CPEB2: variants seen among roughly 807,000 people sequenced by gnomAD.
The protein encoded by CPEB2 is cytoplasmic polyadenylation element binding protein 2.
CPEB2 carries 56 observed loss-of-function variants against 93.6 expected under a neutral mutation model. The ratio of observed to expected loss-of-function variants is 0.60; its 90% CI spans 0.48 to 0.75. The LOEUF (loss-of-function observed/expected upper bound fraction) is 0.75. Among genes scored for constraint, CPEB2 ranks in the 30% least tolerant of loss-of-function variants. The pLI is 0.00. For synonymous variants in CPEB2, 764 were observed against 586.3 expected (o/e 1.30, Z -4.38); for missense variants, 1,579 against 1,395.1 (o/e 1.13, Z -2.10).
rs1722307741 is a variant in CPEB2, at chr4:15,003,591, G to A, written c.918G>A (p.Pro306=). The change falls in exon 1 of 12, where the codon CCG becomes CCA. Residue 306 remains proline (P), a synonymous_variant. Coordinates refer to ENST00000538197, the MANE Select transcript of CPEB2 (RefSeq NM_001177382.2). Reference sequence around the variant, plus strand: ...ATGCGGGCTTGGCCTCCTCGACGCCGGTGAACCCCGCGCCGGGCTCCATGG... The same window carrying A: ...ATGCGGGCTTGGCCTCCTCGACGCCAGTGAACCCCGCGCCGGGCTCCATGG... ...SPNAGLASST[P]VNPAPGSMES... The A allele has an allele frequency of 2.0e-6, 3 of 1,476,010 alleles. No individual in the cohort carries two copies. Among genetic ancestry groups the A allele is most frequent in the East Asian group, 3.0e-5 (1 of 33,440 alleles). The allele number at this position is 1,476,010 out of a possible 1,614,324, so 91.4% of individuals were successfully genotyped here. A position where few individuals can be genotyped will look rare whatever the true frequency, so the allele number is the denominator to read the frequency against.
intron 6 of CPEB2, among the ~76,000 whole-genome samples, chr4:15,049,208 C>T (rs1313327643): frequency 6.6e-6 from 1 of 150,956 alleles, no homozygotes; most frequent in Non-Finnish European, 1.5e-5. Context: ...ACTTTTGGGT[C>T]ACTTTTCTCT....
Position 15,003,951 on chromosome 4 carries a change from C to T in CPEB2, c.1278C>T (p.Thr426=). 2 of 1,310,640 alleles carry T rather than the reference C, an allele frequency of 1.5e-6. No homozygotes were observed. The highest frequency in any genetic ancestry group is 2.0e-6 in the Non-Finnish European group (2 of 1,008,756). 81.2% of individuals were successfully genotyped at this position (1,310,640 alleles called of 1,614,324 possible). The part of the protein sequence containing the change: ...QPQPPGSSAT[T]PGGGSGGSLS... Reference sequence around the variant, plus strand: ...AGCCGCCCGGCTCGTCTGCCACCACCCCGGGCGGCGGCAGCGGCGGCTCGC... The same window carrying T: ...AGCCGCCCGGCTCGTCTGCCACCACTCCGGGCGGCGGCAGCGGCGGCTCGC... Residue 426 remains threonine (T), a synonymous_variant, in exon 1 of 12, where the codon ACC becomes ACT. Coordinates refer to ENST00000538197, the MANE Select transcript of CPEB2 (RefSeq NM_001177382.2).
intron 8 of CPEB2, 152 bp downstream of exon 8, chr4:15,054,369 C>T (rs1341439517): frequency 1.6e-6 from 1 of 641,760 alleles, no homozygotes; most frequent in African/African-American, 1.9e-5. Context: ...TGAGTATTTT[C>T]TCTGTCTAAA....
intron 6 of CPEB2, among the ~76,000 whole-genome samples, chr4:15,042,236 A>G (rs1366734191): frequency 6.6e-6 from 1 of 152,196 alleles, no homozygotes; most frequent in Non-Finnish European, 1.5e-5. Context: ...CTCTCATGTA[A>G]ATATCATGAC....
chr4:15,056,680 G>T (rs1728741123), intron 8 of CPEB2, among the ~76,000 whole-genome samples: 1 of 152,166 alleles, frequency 6.6e-6, no homozygotes, highest in Non-Finnish European at 1.5e-5. Context: ...GAAGCATCCA[G>T]TGGGTGAAGC....
At chr4:15,027,313 T>G (rs1725591527) in intron 4 of CPEB2, among the ~76,000 whole-genome samples, 1 of 152,256 alleles carries the variant, frequency 6.6e-6, no homozygotes. Flanking sequence ...ACTAGATTAA[T>G]TTCAGTTGAA....
chr4:15,060,408 C>T (rs1333170520), intron 10 of CPEB2, among the ~76,000 whole-genome samples: 2 of 152,086 alleles, frequency 1.3e-5, no homozygotes, highest in East Asian at 3.9e-4. Context: ...AGAGTAAATG[C>T]GGGCAGACCA....
At chr4:15,006,624 A>G (rs578106848) in intron 1 of CPEB2, 1 of 152,284 alleles carries the variant, frequency 6.6e-6, no homozygotes, top group African/African-American at 2.4e-5. Context: ...CAGTGGATCC[A>G]CCTATGGGCA....
chr4:15,035,726 C>T (rs1375947284), intron 5 of CPEB2, among the ~76,000 whole-genome samples: 3 of 152,052 alleles, frequency 2.0e-5, no homozygotes, highest in African/African-American at 7.2e-5. Context: ...GGTAAAATAA[C>T]CCCCCAAAAA....
intron 3 of CPEB2, among the ~76,000 whole-genome samples, chr4:15,008,966 A>G (rs2047205): frequency 0.48 from 73,321 of 152,036 alleles, 18,568 homozygotes; most frequent in East Asian, 0.75. Context: ...ATTCCAAATA[A>G]TCAGTTTCCT....
intron 4 of CPEB2, among the ~76,000 whole-genome samples, chr4:15,022,429 G>A (rs773407067): frequency 1.3e-5 from 2 of 151,936 alleles, no homozygotes; most frequent in Non-Finnish European, 2.9e-5. Context: ...TCCTGAAGTT[G>A]AAAGTTTTAA....
chr4:15,012,017 G>GA (rs1280318092), intron 3 of CPEB2, among the ~76,000 whole-genome samples: 1 of 152,102 alleles, frequency 6.6e-6, no homozygotes, highest in Non-Finnish European at 1.5e-5. Flanking sequence ...ATCTGTCTCA[G>GA]AAAAAATATT....
At chr4:15,046,221 T>C (rs1262961798) in intron 6 of CPEB2, among the ~76,000 whole-genome samples, 2 of 152,070 alleles carry the variant, frequency 1.3e-5, no homozygotes, top group East Asian at 1.9e-4. Flanking sequence ...TATGAGACTG[T>C]GTTGGCCTTT....
At chr4:15,049,150 T>C (rs925366285) in intron 6 of CPEB2, among the ~76,000 whole-genome samples, 2 of 152,124 alleles carry the variant, frequency 1.3e-5, no homozygotes, top group Non-Finnish European at 2.9e-5. Flanking sequence ...TTTTTAGTTA[T>C]ATGAATACTA....
chr4:15,003,365 A>C lies in CPEB2; in HGVS notation c.692A>C (p.Gln231Pro). ...PAQLAQRQQQ[Q>P]PPQQFSLLHQ... is the part of the protein sequence containing the mutation. Reference sequence around the variant, plus strand: ...CAGCTCGCTCAGCGCCAGCAGCAACAGCCGCCGCAGCAGTTCAGCCTCCTG... The same window carrying C: ...CAGCTCGCTCAGCGCCAGCAGCAACCGCCGCCGCAGCAGTTCAGCCTCCTG... Residue 231 changes from glutamine (Q) to proline (P), a missense_variant, in exon 1 of 12, where the codon CAG (glutamine) becomes CCG (proline). Gln to Pro is a moderately conservative substitution (Grantham distance 76). Transcript: ENST00000538197. 1 of 1,385,712 alleles carries C rather than the reference A, an allele frequency of 7.2e-7. No homozygotes were observed. Among genetic ancestry groups the C allele is most frequent in the Non-Finnish European group, 9.2e-7 (1 of 1,082,694 alleles). The allele number at this position is 1,385,712 out of a possible 1,614,324, so 85.8% of individuals were successfully genotyped here.
In CPEB2 at chr4:15,004,140, C is replaced by T. The variant is rs1242571271; in HGVS notation, c.1467C>T (p.Gly489=). The T allele has an allele frequency of 3.1e-6, 2 of 636,214 alleles. No individual in the cohort carries two copies. Among genetic ancestry groups the T allele is most frequent in the Non-Finnish European group, 5.0e-6 (2 of 399,168 alleles). The allele number at this position is 636,214 out of a possible 1,614,324, so 39.4% of individuals were successfully genotyped here. A position where few individuals can be genotyped will look rare whatever the true frequency, so the allele number is the denominator to read the frequency against. The part of the protein sequence containing the change: ...PTSGGGGGGF[G]GPFSATAVPP... The stretch of plus-strand genomic sequence containing the variant: ...GCGGCGGCGGCGGCGGCGGCTTCGG[C>T]GGCCCCTTCTCGGCTACCGCTGTGC... The change falls in exon 1 of 12, where the codon GGC becomes GGT. Residue 489 remains glycine (G), a synonymous_variant. Coordinates refer to ENST00000538197, the MANE Select transcript of CPEB2 (RefSeq NM_001177382.2).
At chr4:15,024,681 C>A (rs1167244024) in intron 4 of CPEB2, among the ~76,000 whole-genome samples, 1 of 151,190 alleles carries the variant, frequency 6.6e-6, no homozygotes, top group Non-Finnish European at 1.5e-5. Flanking sequence ...TTCATTGGAC[C>A]CTTTTAATTC....
At chr4:15,061,903 G>GT (rs766845889) in intron 10 of CPEB2, among the ~76,000 whole-genome samples, 176 bp from the exon 11 acceptor site, 7 of 149,796 alleles carry the variant, frequency 4.7e-5, no homozygotes, top group Non-Finnish European at 8.9e-5. Flanking sequence ...TCACTTTATA[G>GT]TTTAAAAAAA....
chr4:15,002,657 T>C lies in CPEB2; in HGVS notation c.-17T>C. ...GGGGACGAGGAGCGTCTCCTCCCGC[T>C]GCCGGCGGCCTGATAAATGAGGGAT... On this transcript the variant is annotated 5_prime_UTR_variant, in exon 1 of 12. Transcript: ENST00000538197. 6.7e-7 allele frequency: 1 copy of C among 1,481,838 alleles called. No individual in the cohort carries two copies. Among genetic ancestry groups the C allele is most frequent in the South Asian group, 1.3e-5 (1 of 78,556 alleles). 91.8% of individuals were successfully genotyped at this position (1,481,838 alleles called of 1,614,324 possible).
Sources: gnomAD v4.1 joint callset for allele counts (sites outside exome capture counted in the v4.1 genomes callset) on GRCh38, gnomAD v4.1.1 for gene constraint, MANE v1.5 for transcripts, NCBI Gene and HGNC (gene_info 2026-07-23, HGNC 2026-07-21) for gene names.